SPEF2: variants seen among roughly 807,000 people sequenced by gnomAD.
The protein encoded by SPEF2 is sperm flagellar and cilia associated 2.
SPEF2 carries 187 observed loss-of-function variants against 224.6 expected under a neutral mutation model. That is an observed-to-expected ratio of 0.83 (90% CI 0.74 to 0.94). The LOEUF (loss-of-function observed/expected upper bound fraction) is 0.94. Ranked by LOEUF, SPEF2 falls within the 40% of genes least tolerant of loss-of-function variation. The pLI, the probability that SPEF2 is intolerant of heterozygous loss-of-function variation, is 0.00. For synonymous variants in SPEF2, 715 were observed against 707.3 expected, an observed-to-expected ratio of 1.01 and a Z score of -0.17; for missense variants, 2,170 against 2,135.6, an observed-to-expected ratio of 1.02 and a Z score of -0.32.
intron 6 of SPEF2, among the ~76,000 whole-genome samples, chr5:35,654,054 A>G (rs10052826): frequency 0.13 from 19,804 of 151,220 alleles, 2,071 homozygotes; most frequent in African/African-American, 0.29. Flanking sequence ...TGAGGTCAGG[A>G]GTTCGAGACA....
At chr5:35,683,111 A>T (rs551586975) in intron 10 of SPEF2, among the ~76,000 whole-genome samples, 1 of 152,322 alleles carries the variant, frequency 6.6e-6, no homozygotes, top group African/African-American at 2.4e-5. Context: ...CTAAAAAGAT[A>T]TGAGAGACTG....
chr5:35,686,101 G>A (rs1469911810), intron 10 of SPEF2, among the ~76,000 whole-genome samples: 1 of 151,970 alleles, frequency 6.6e-6, no homozygotes, highest in Non-Finnish European at 1.5e-5. Flanking sequence ...ATGATTAGGG[G>A]CAGTGACATA....
At chr5:35,805,901 T>A (rs1757990639) in intron 34 of SPEF2, among the ~76,000 whole-genome samples, 1 of 152,156 alleles carries the variant, frequency 6.6e-6, no homozygotes, top group African/African-American at 2.4e-5. Flanking sequence ...TTCATGGCAA[T>A]GTAATACTAC....
At chr5:35,703,483 A>T (rs1462689535) in intron 16 of SPEF2, among the ~76,000 whole-genome samples, 1 of 152,038 alleles carries the variant, frequency 6.6e-6, no homozygotes, top group Non-Finnish European at 1.5e-5. Flanking sequence ...TTGTGGTAGG[A>T]GTATAGGTCT....
chr5:35,708,637 T>A (rs1184488883), intron 18 of SPEF2, among the ~76,000 whole-genome samples: 10 of 580 alleles, frequency 0.017, no homozygotes, highest in East Asian at 0.05. Context: ...CACCATCACC[T>A]CTACCAGCAC....
intron 14 of SPEF2, among the ~76,000 whole-genome samples, chr5:35,696,333 C>G (rs1755315252): frequency 6.6e-6 from 1 of 152,042 alleles, no homozygotes; most frequent in South Asian, 2.1e-4. Flanking sequence ...TCATGAAAAA[C>G]AGTTTTATAA....
intron 23 of SPEF2, among the ~76,000 whole-genome samples, chr5:35,750,492 A>C (rs138366419): frequency 3.3e-5 from 5 of 152,260 alleles, no homozygotes; most frequent in African/African-American, 1.2e-4. Flanking sequence ...AATGAACTCA[A>C]ATCAGTAAGA....
chr5:35,637,464 A>G (rs1314841316), intron 2 of SPEF2, among the ~76,000 whole-genome samples: 2 of 152,252 alleles, frequency 1.3e-5, no homozygotes, highest in South Asian at 2.1e-4. Context: ...ATGAAGCTGC[A>G]CCTGTGTTAT....
At chr5:35,794,045 A>G (rs1328842345) in intron 32 of SPEF2, among the ~76,000 whole-genome samples, 1 of 152,232 alleles carries the variant, frequency 6.6e-6, no homozygotes, top group Non-Finnish European at 1.5e-5. Flanking sequence ...AACCTGTGCT[A>G]GAGAAATTTT....
chr5:35,709,179 GAATTATA>G lies in SPEF2; in HGVS notation c.2839+66_2839+72del, dbSNP rs1238195583. 2.5e-6 allele frequency: 4 copies of G among 1,589,896 alleles called. No homozygotes were observed. The East Asian group carries it at 6.7e-5, about 27-fold the overall frequency. ...CAGTTTCTTATTTTTACTCAGTAAA[GAATTATA>G]AATTATAGTCTATCTACATTCAGAC... On this transcript the variant is annotated intron_variant, in intron 19 of 36. Transcript: ENST00000356031.
intron 23 of SPEF2, among the ~76,000 whole-genome samples, chr5:35,743,491 AG>A (rs1435925404): frequency 1.3e-5 from 2 of 152,166 alleles, no homozygotes; most frequent in Non-Finnish European, 2.9e-5. Flanking sequence ...ACCTTATCAA[AG>A]ATATGATAAC....
intron 30 of SPEF2, 39 bp downstream of exon 30, chr5:35,779,385 G>C: frequency 1.3e-6 from 2 of 1,502,684 alleles, no homozygotes; most frequent in Middle Eastern, 1.7e-4. Flanking sequence ...CACAAAAAAA[G>C]GTTAAGATTA....
chr5:35,747,018 A>G (rs1328029714), intron 23 of SPEF2, among the ~76,000 whole-genome samples: 2 of 152,214 alleles, frequency 1.3e-5, no homozygotes, highest in Non-Finnish European at 2.9e-5. Flanking sequence ...CCCTATCTTC[A>G]GCCTCCTCAA....
Position 35,806,835 on chromosome 5 carries a change from T to A in SPEF2, c.5139T>A (p.Asn1713Lys). 6.2e-7 allele frequency: 1 copy of A among 1,613,586 alleles called. No individual in the cohort carries two copies. Among genetic ancestry groups the A allele is most frequent in the East Asian group, 2.2e-5 (1 of 44,846 alleles). Residue 1713 changes from asparagine (N) to lysine (K), a missense_variant, in exon 35 of 37, where the codon AAT becomes AAA. Transcript: ENST00000356031. ...AGAAGGATGAAGAAATCCCTGAAAA[T>A]GCAAACAATGAAAAGATGTCCATGG... ...REQKDEEIPE[N>K]ANNEKMSMET...
chr5:35,677,283 A>G (rs6872795), intron 10 of SPEF2, among the ~76,000 whole-genome samples: 118,128 of 152,086 alleles, frequency 0.78, 46,694 homozygotes, highest in African/African-American at 0.92. Flanking sequence ...TAGTAAGACC[A>G]TGGAAATTAC....
chr5:35,790,121 C>T (rs1285514783), intron 30 of SPEF2: 2 of 702,834 alleles, frequency 2.8e-6, no homozygotes, highest in South Asian at 3.0e-5. Flanking sequence ...TAGTGTTGAC[C>T]CTTCCTGCAA....
At chr5:35,763,149 G>C (rs2149757927) in intron 25 of SPEF2, among the ~76,000 whole-genome samples, 2 of 152,208 alleles carry the variant, frequency 1.3e-5, no homozygotes, top group African/African-American at 4.8e-5. Flanking sequence ...AGTTTCGTTT[G>C]GTTTGCTTTT....
At position 35,739,943 on chromosome 5, in the gene SPEF2, T is replaced by G. The variant is rs200692879; in HGVS notation, c.3088T>G (p.Tyr1030Asp). 20 of 1,613,796 alleles carry G rather than the reference T, an allele frequency of 1.2e-5. No homozygotes were observed. The highest frequency in any genetic ancestry group is 1.7e-5 in the Non-Finnish European group (20 of 1,179,940). Residue 1030 changes from tyrosine (Y) to aspartate (D), a missense_variant, in exon 22 of 37, where the codon TAC becomes GAC. Tyr to Asp is a radical substitution (Grantham distance 160, BLOSUM62 -3). Transcript: ENST00000356031. ...PEEMPLFLVP[Y>D]WELIENSYIN... ...GGAAATGCCTTTGTTTTTAGTACCT[T>G]ACTGGGAACTAATAGAAAATTCCTA...
chr5:35,657,492 G>C (rs1396772649), intron 7 of SPEF2, among the ~76,000 whole-genome samples: 1 of 152,016 alleles, frequency 6.6e-6, no homozygotes. Context: ...ATGGAATCGG[G>C]GGGGTGGTTT....
Sources: allele counts gnomAD v4.1 joint callset (sites outside exome capture counted in the v4.1 genomes callset), GRCh38; gene constraint gnomAD v4.1.1; transcripts MANE v1.5; gene names NCBI Gene and HGNC (gene_info 2026-07-23, HGNC 2026-07-21).